AKAP10: variants seen among roughly 807,000 people sequenced by gnomAD.
The protein encoded by AKAP10 is A-kinase anchor protein 10, mitochondrial.
A neutral mutation model predicts 80.8 loss-of-function variants in AKAP10; 24 were observed. The observed-to-expected ratio is 0.30, with a 90% CI of 0.22 to 0.42. The LOEUF (loss-of-function observed/expected upper bound fraction) is 0.42, where lower values mean the gene tolerates loss of function less well. Ranked by LOEUF, AKAP10 falls within the 10% of genes least tolerant of loss-of-function variation. The pLI is 1.00. For synonymous variants in AKAP10, 291 were observed against 277.7 expected (o/e 1.05, Z -0.48); for missense variants, 661 against 794.9 (o/e 0.83, Z 2.03).
At chr17:19,935,175 A>G (rs2042979842) in intron 9 of AKAP10, among the ~76,000 whole-genome samples, 1 of 152,194 alleles carries the variant, frequency 6.6e-6, no homozygotes. Context: ...AACCTGTATC[A>G]CATGTTACTA....
intron 14 of AKAP10, among the ~76,000 whole-genome samples, 182 bp from the exon 15 acceptor site, chr17:19,906,414 G>A (rs1268621748): frequency 6.6e-6 from 1 of 152,170 alleles, no homozygotes; most frequent in South Asian, 2.1e-4. Context: ...AAATATGAGT[G>A]AACAGAAGCT....
Position 19,906,112 on chromosome 17 carries a change from C to A in AKAP10, c.*115G>T. The A allele has an allele frequency of 8.5e-7, 1 of 1,178,150 alleles. No individual in the cohort carries two copies. The highest frequency in any genetic ancestry group is 1.4e-5 in the South Asian group (1 of 73,802). The allele number at this position is 1,178,150 out of a possible 1,614,324, so 73.0% of individuals were successfully genotyped here. On this transcript the variant is annotated 3_prime_UTR_variant, in exon 15 of 15. Coordinates refer to ENST00000225737, the MANE Select transcript of AKAP10 (RefSeq NM_007202.4). Reference sequence around the variant, plus strand: ...GTCTCCCATTCTCTCCTGGAAACAACAGTGACAGATCAGAAATATAGTGCT... The same window carrying A: ...GTCTCCCATTCTCTCCTGGAAACAAAAGTGACAGATCAGAAATATAGTGCT...
In AKAP10 at chr17:19,920,855, C is replaced by CAAAAAAAAAAAAAAAAAAAAA. The variant is rs61148312; in HGVS notation, c.1752-758_1752-738dup. Among the ~76,000 whole-genome samples, 9 of 35,328 alleles carry CAAAAAAAAAAAAAAAAAAAAA rather than the reference C, an allele frequency of 2.5e-4. 2 individuals carry two copies. The East Asian group carries it at 8.4e-3, about 33-fold the overall frequency. 23.2% of individuals were successfully genotyped at this position (35,328 alleles called of 152,430 possible). A position where few individuals can be genotyped will look rare whatever the true frequency, so the allele number is the denominator to read the frequency against. On this transcript the variant is annotated intron_variant, in intron 11 of 14. Transcript: ENST00000225737. ...TGGGCAACAGAGCAAGACTCTATCT[C>CAAAAAAAAAAAAAAAAAAAAA]AAAAAAAAAAAAAAAAAAAAAAAAA...
chr17:19,914,239 AATTCTCC>A (rs1366112546), intron 12 of AKAP10, among the ~76,000 whole-genome samples: 1 of 152,154 alleles, frequency 6.6e-6, no homozygotes, highest in Non-Finnish European at 1.5e-5. Context: ...GGGCTCAACC[AATTCTCC>A]AACCCAGCCT....
At chr17:19,931,695 T>C in intron 10 of AKAP10, 110 bp downstream of exon 10, 1 of 1,327,372 alleles carries the variant, frequency 7.5e-7, no homozygotes, top group Non-Finnish European at 1.0e-6. Context: ...CTGGCTTTTA[T>C]CTTTTTTTTC....
chr17:19,920,259 G>T (rs1023935530), intron 11 of AKAP10, 141 bp from the exon 12 acceptor site: 17 of 593,980 alleles, frequency 2.9e-5, no homozygotes, highest in Non-Finnish European at 4.4e-5. Flanking sequence ...TTAAAGTAGG[G>T]ATTATTTGAA....
chr17:19,939,772 G>A lies in AKAP10; in HGVS notation c.1263C>T (p.Ala421=). 1 of 1,613,466 alleles carries A rather than the reference G, an allele frequency of 6.2e-7. No individual in the cohort carries two copies. The highest frequency in any genetic ancestry group is 8.5e-7 in the Non-Finnish European group (1 of 1,179,854). The change falls in exon 8 of 15, where the codon GCC becomes GCT. Residue 421 remains alanine (A), a synonymous_variant. Transcript: ENST00000225737. ...AADNFQSQLA[A]KKGQYDGQEA... ...CCTGTCCATCATATTGGCCCTTTTTGGCAGCAAGCTGAGACTGGAAGTTAT... is the reference window on the plus strand; with the variant it reads ...CCTGTCCATCATATTGGCCCTTTTTAGCAGCAAGCTGAGACTGGAAGTTAT...
At chr17:19,920,278 T>C (rs1246569982) in intron 11 of AKAP10, among the ~76,000 whole-genome samples, 160 bp from the exon 12 acceptor site, 1 of 152,196 alleles carries the variant, frequency 6.6e-6, no homozygotes, top group African/African-American at 2.4e-5. Flanking sequence ...AAATAAAACA[T>C]TGCTGCACAG....
At chr17:19,911,279 C>T (rs1216495620) in intron 12 of AKAP10, among the ~76,000 whole-genome samples, 1 of 152,114 alleles carries the variant, frequency 6.6e-6, no homozygotes, top group Non-Finnish European at 1.5e-5. Context: ...TTAGAAAACC[C>T]ATGTTAAAAA....
rs1298757433 is a variant in AKAP10, at chr17:19,935,438, A to G, written c.1467+848T>C. Among the ~76,000 whole-genome samples the G allele has an allele frequency of 2.0e-5, 3 of 152,194 alleles. No individual in the cohort carries two copies. The East Asian group carries it at 5.9e-4, about 30-fold the overall frequency. On this transcript the variant is annotated intron_variant, in intron 9 of 14. Coordinates refer to ENST00000225737, the MANE Select transcript of AKAP10 (RefSeq NM_007202.4). Reference sequence around the variant, plus strand: ...TTACACTGTACACTTAGGCTACACTAAATTTATTTAAAATTTTTTTCTTTA... The same window carrying G: ...TTACACTGTACACTTAGGCTACACTGAATTTATTTAAAATTTTTTTCTTTA...
At chr17:19,946,259 ATATATATATATATATATTTTTTT>A (rs2043122343) in intron 5 of AKAP10, among the ~76,000 whole-genome samples, 2 of 23,932 alleles carry the variant, frequency 8.4e-5, no homozygotes, top group Non-Finnish European at 1.5e-4. Context: ...ATATATATAT[ATATATATATATATATATTTTTTT>A]TTTTTTTTTT....
chr17:19,939,944 T>G, intron 7 of AKAP10, 95 bp from the exon 8 acceptor site: 1 of 1,370,106 alleles, frequency 7.3e-7, no homozygotes, highest in Non-Finnish European at 9.7e-7. Flanking sequence ...ATACAGGTCA[T>G]AAGCAAAAAA....
At chr17:19,950,917 C>T (rs576636119) in intron 4 of AKAP10, among the ~76,000 whole-genome samples, 67 of 150,054 alleles carry the variant, frequency 4.5e-4, no homozygotes, top group African/African-American at 1.6e-3. Flanking sequence ...ACCTCTGCCC[C>T]GCCGCCCCGT....
In AKAP10 at chr17:19,963,237, A is replaced by G. The variant is rs899541224; in HGVS notation, c.137-215T>C. 3.6e-5 allele frequency among the ~76,000 whole-genome samples: 5 copies of G among 140,178 alleles called. No individual in the cohort carries two copies. In the Admixed American group the frequency reaches 3.7e-4, roughly 10 times the overall value. The allele number at this position is 140,178 out of a possible 152,430, so 92.0% of individuals were successfully genotyped here. ...TTTTTTTTTTTTTTTTTTTTCCCAG[A>G]CAGAGTCTTGCTCTGTCACCCAGGC... is the stretch of plus-strand genomic sequence containing the variant. On this transcript the variant is annotated intron_variant, in intron 2 of 14. Coordinates refer to ENST00000225737, the MANE Select transcript of AKAP10 (RefSeq NM_007202.4).
In AKAP10 at chr17:19,931,817, G is replaced by C. The variant is rs542741468; in HGVS notation, c.1629C>G (p.Ser543Arg). The stretch of plus-strand genomic sequence containing the variant: ...AATCAGTCAATACCTGAGACGCAGA[G>C]CTGTCAGAACTCCCTGGGTGAGACT... ...PDESHPGSSD[S>R]SASQSSVKKA... Residue 543 changes from serine to arginine, a missense_variant, in exon 10 of 15, where the codon AGC (serine) becomes AGG (arginine). Ser to Arg is a moderately radical substitution (Grantham distance 110). Transcript: ENST00000225737. 3 of 1,613,346 alleles carry C rather than the reference G, an allele frequency of 1.9e-6. No individual in the cohort carries two copies. Among genetic ancestry groups the C allele is most frequent in the Non-Finnish European group, 2.5e-6 (3 of 1,179,856 alleles).
At chr17:19,935,356 C>T (rs555064929) in intron 9 of AKAP10, among the ~76,000 whole-genome samples, 9 of 152,128 alleles carry the variant, frequency 5.9e-5, no homozygotes, top group East Asian at 1.9e-4. Context: ...GGTGAGTCAG[C>T]GAGTGAGTGG....
chr17:19,937,375 A>G (rs2043003580), intron 8 of AKAP10, among the ~76,000 whole-genome samples: 1 of 151,986 alleles, frequency 6.6e-6, no homozygotes, highest in African/African-American at 2.4e-5. Flanking sequence ...GGTGGCCCCC[A>G]CCTGTAATCC....
At chr17:19,961,029 C>T (rs368000054) in intron 3 of AKAP10, among the ~76,000 whole-genome samples, 2 of 148,028 alleles carry the variant, frequency 1.4e-5, no homozygotes, top group African/African-American at 5.0e-5. Flanking sequence ...AATAAATAAA[C>T]AAACAAACAA....
Position 19,931,953 on chromosome 17 carries a change from C to G in AKAP10, c.1493G>C (p.Ser498Thr), listed in dbSNP as rs1218141001. ...ATTCAAATATTTATAATAAAGATTG[C>G]TGGACAAAAAGCCAGGCAAAAAGAC... Reference protein sequence around the residue: ...EKVFLPGFLSSNLYYKYLNDL... With the variant: ...EKVFLPGFLSTNLYYKYLNDL... The change falls in exon 10 of 15, where the codon AGC (serine) becomes ACC (threonine). Residue 498 changes from serine (S) to threonine (T), a missense_variant. Physicochemically the swap from Ser to Thr is moderately conservative, Grantham distance 58. Coordinates refer to ENST00000225737, the MANE Select transcript of AKAP10 (RefSeq NM_007202.4). 6 of 1,612,824 alleles carry G rather than the reference C, an allele frequency of 3.7e-6. No individual in the cohort carries two copies. Among genetic ancestry groups the G allele is most frequent in the Non-Finnish European group, 4.2e-6 (5 of 1,179,610 alleles).
Sources: gnomAD v4.1 joint callset for allele counts (sites outside exome capture counted in the v4.1 genomes callset) on GRCh38, gnomAD v4.1.1 for gene constraint, MANE v1.5 for transcripts, NCBI Gene and HGNC (gene_info 2026-07-23, HGNC 2026-07-21) for gene names.